CMTR1: variants seen among roughly 807,000 people sequenced by gnomAD.
CMTR1 encodes the protein cap methyltransferase 1, also known as cap-specific mRNA (nucleoside-2'-O-)-methyltransferase 1.
CMTR1 carries 39 observed loss-of-function variants against 107.0 expected under a neutral mutation model. That is an observed-to-expected ratio of 0.36 (90% CI 0.28 to 0.48). The LOEUF (loss-of-function observed/expected upper bound fraction) is 0.48, where lower values mean the gene tolerates loss of function less well. Among genes scored for constraint, CMTR1 ranks in the 20% least tolerant of loss-of-function variants. CMTR1 has a pLI of 0.99. For synonymous variants in CMTR1, 366 were observed against 379.5 expected (o/e 0.96, Z 0.41); for missense variants, 672 against 1,064.9 (o/e 0.63, Z 5.14).
intron 22 of CMTR1, 43 bp downstream of exon 22, chr6:37,478,564 C>T: frequency 6.7e-7 from 1 of 1,502,104 alleles, no homozygotes; most frequent in Admixed American, 1.7e-5. Flanking sequence ...TCCCCTCTCC[C>T]CTCTCCTCGC....
chr6:37,442,805 T>G (rs574390324), intron 2 of CMTR1, among the ~76,000 whole-genome samples: 10 of 152,346 alleles, frequency 6.6e-5, no homozygotes, highest in South Asian at 6.2e-4. Flanking sequence ...ACCTGAATAG[T>G]GACCACCTCG....
the CMTR1 span, among the ~76,000 whole-genome samples, chr6:37,426,222 A>G: frequency 1.3e-5 from 2 of 151,788 alleles, no homozygotes; most frequent in African/African-American, 4.8e-5. Flanking sequence ...TAGTTCTTTG[A>G]GCATCTTAAG....
chr6:37,431,893 G>T (rs1402356047), upstream of CMTR1, among the ~76,000 whole-genome samples: 5 of 152,190 alleles, frequency 3.3e-5, no homozygotes, highest in Non-Finnish European at 7.3e-5. Context: ...TCTGCTCACT[G>T]CAACCTCTGC....
chr6:37,459,149 C>T (rs538967994), intron 9 of CMTR1, among the ~76,000 whole-genome samples: 3 of 152,224 alleles, frequency 2.0e-5, no homozygotes, highest in Admixed American at 6.5e-5. Context: ...AACCCAATGC[C>T]CATCTCTCGC....
chr6:37,424,023 C>T, the CMTR1 span, among the ~76,000 whole-genome samples: 1 of 152,116 alleles, frequency 6.6e-6, no homozygotes, highest in South Asian at 2.1e-4. Context: ...GAAGACGACC[C>T]ACCATTTTGA....
At position 37,453,862 on chromosome 6, in the gene CMTR1, C is replaced by T. The variant is rs148228607; in HGVS notation, c.777+550C>T. Among the ~76,000 whole-genome samples the T allele has an allele frequency of 2.7e-3, 409 of 152,290 alleles. 6 individuals are homozygous for T. The highest frequency in any genetic ancestry group is 0.025 in the East Asian group (128 of 5,180). Reference sequence around the variant, plus strand: ...TCTGAAATGAGCCGTACTAACCTGCCAGAGGGCTAGGGTAGAACCAAAAGG... The same window carrying T: ...TCTGAAATGAGCCGTACTAACCTGCTAGAGGGCTAGGGTAGAACCAAAAGG... On this transcript the variant is annotated intron_variant, in intron 8 of 23. Coordinates refer to ENST00000373451, the MANE Select transcript of CMTR1 (RefSeq NM_015050.3).
At chr6:37,463,134 TCTG>T in intron 13 of CMTR1, 126 bp downstream of exon 13, 1 of 977,814 alleles carries the variant, frequency 1.0e-6, no homozygotes, top group East Asian at 2.4e-5. Flanking sequence ...CTGGGTTTGG[TCTG>T]CTGGTTTCAG....
Position 37,481,030 on chromosome 6 carries a change from C to T in CMTR1, c.*885C>T, listed in dbSNP as rs772305195. The T allele has an allele frequency of 3.1e-6, 4 of 1,304,102 alleles. No homozygotes were observed. Among genetic ancestry groups the T allele is most frequent in the Non-Finnish European group, 4.0e-6 (4 of 988,872 alleles). 80.8% of individuals were successfully genotyped at this position (1,304,102 alleles called of 1,614,324 possible). ...CCCTCTGGCAGTCATGCACCGCTGT[C>T]TGCCATAGCCGCTCTAGGGTCTTGG... On this transcript the variant is annotated 3_prime_UTR_variant, in exon 24 of 24. Coordinates refer to ENST00000373451, the MANE Select transcript of CMTR1 (RefSeq NM_015050.3).
At chr6:37,425,825 T>C in the CMTR1 span, among the ~76,000 whole-genome samples, 2 of 152,342 alleles carry the variant, frequency 1.3e-5, no homozygotes, top group East Asian at 3.9e-4. Context: ...TTCATCAAAT[T>C]TGAATCTTTA....
chr6:37,468,135 T>G (rs1164334919), intron 13 of CMTR1, among the ~76,000 whole-genome samples: 2 of 151,766 alleles, frequency 1.3e-5, no homozygotes, highest in Admixed American at 6.6e-5. Flanking sequence ...GTATTCCTTT[T>G]ATCTCTTTGA....
intron 2 of CMTR1, among the ~76,000 whole-genome samples, chr6:37,438,198 G>A (rs1771583860): frequency 6.6e-6 from 1 of 152,006 alleles, no homozygotes; most frequent in African/African-American, 2.4e-5. Flanking sequence ...TGGGGAACAT[G>A]GTGAAAACCC....
intron 13 of CMTR1, among the ~76,000 whole-genome samples, chr6:37,469,115 A>G (rs536845214): frequency 1.3e-5 from 2 of 152,206 alleles, no homozygotes; most frequent in South Asian, 2.1e-4. Flanking sequence ...AGCCTGGGTG[A>G]TAGAGTCAGA....
intron 13 of CMTR1, among the ~76,000 whole-genome samples, chr6:37,468,539 T>C (rs2113887750): frequency 1.3e-5 from 2 of 152,346 alleles, no homozygotes; most frequent in Middle Eastern, 3.4e-3. Context: ...TTCTAGCCTG[T>C]CTTTGTAGTA....
intron 13 of CMTR1, among the ~76,000 whole-genome samples, chr6:37,469,521 C>CTTTTTTTTT (rs763917812): frequency 2.9e-4 from 18 of 61,614 alleles, no homozygotes; most frequent in Non-Finnish European, 4.2e-4. Flanking sequence ...TTGTTTTATC[C>CTTTTTTTTT]TTTTTTTTTT....
intron 10 of CMTR1, among the ~76,000 whole-genome samples, chr6:37,460,010 G>C (rs1179643086): frequency 6.6e-6 from 1 of 152,192 alleles, no homozygotes; most frequent in Non-Finnish European, 1.5e-5. Context: ...ATCCACAGGA[G>C]GCTCTTGTCA....
At position 37,480,457 on chromosome 6, in the gene CMTR1, G is replaced by A. The variant is rs1459734051; in HGVS notation, c.*312G>A. 2 of 1,182,742 alleles carry A rather than the reference G, an allele frequency of 1.7e-6. No individual in the cohort carries two copies. The highest frequency in any genetic ancestry group is 2.1e-6 in the Non-Finnish European group (2 of 953,862). The allele number at this position is 1,182,742 out of a possible 1,614,324, so 73.3% of individuals were successfully genotyped here. On this transcript the variant is annotated 3_prime_UTR_variant, in exon 24 of 24. Transcript: ENST00000373451. ...CGTGGGACTGATGGAGGACATATCA[G>A]AGTGGCAGAGCTGTGGGCTCTGCTG...
In CMTR1 at chr6:37,480,601, T is replaced by C; in HGVS notation, c.*456T>C. The C allele has an allele frequency of 1.9e-6, 2 of 1,032,100 alleles. No individual in the cohort carries two copies. Among genetic ancestry groups the C allele is most frequent in the Non-Finnish European group, 2.3e-6 (2 of 860,792 alleles). 63.9% of individuals were successfully genotyped at this position (1,032,100 alleles called of 1,614,324 possible). A position where few individuals can be genotyped will look rare whatever the true frequency, so the allele number is the denominator to read the frequency against. On this transcript the variant is annotated 3_prime_UTR_variant, in exon 24 of 24. Transcript: ENST00000373451. ...CATCCCTGAGTGGGTGGAGACCTGC[T>C]GTCATGAGCTGGCCAGGAGAACCTG...
At chr6:37,442,537 C>T (rs1391224434) in intron 2 of CMTR1, among the ~76,000 whole-genome samples, 5 of 152,214 alleles carry the variant, frequency 3.3e-5, no homozygotes, top group Admixed American at 2.0e-4. Flanking sequence ...AGTTCCTGCT[C>T]TCCAGGAGTG....
chr6:37,446,582 A>T, intron 4 of CMTR1, 133 bp downstream of exon 4: 1 of 1,014,392 alleles, frequency 9.9e-7, no homozygotes, highest in Non-Finnish European at 1.4e-6. Flanking sequence ...TTTACGTGGA[A>T]AGTACTGGGG....
Sources: gnomAD v4.1 joint callset for allele counts (sites outside exome capture counted in the v4.1 genomes callset) on GRCh38, gnomAD v4.1.1 for gene constraint, MANE v1.5 for transcripts, NCBI Gene and HGNC (gene_info 2026-07-23, HGNC 2026-07-21) for gene names.